Variants in ELOVL6 observed in about 807,000 individuals in gnomAD.
The protein encoded by ELOVL6 is ELOVL fatty acid elongase 6.
ELOVL6 carries 8 observed loss-of-function variants against 31.7 expected under a neutral mutation model. The ratio of observed to expected loss-of-function variants is 0.25; its 90% CI spans 0.15 to 0.45. The LOEUF is 0.45. Ranked by LOEUF, ELOVL6 falls within the 20% of genes least tolerant of loss-of-function variation. The pLI is 1.00. For missense variants in ELOVL6, 126 were observed against 326.4 expected, an observed-to-expected ratio of 0.39 and a Z score of 4.73; for synonymous variants, 101 against 117.7, an observed-to-expected ratio of 0.86 and a Z score of 0.92.
intron 2 of ELOVL6, among the ~76,000 whole-genome samples, chr4:110,091,666 G>A (rs1042126202): frequency 6.6e-6 from 1 of 151,996 alleles, no homozygotes; most frequent in Non-Finnish European, 1.5e-5. Flanking sequence ...TCCAGTTCCG[G>A]GTTAACACAA....
chr4:110,082,707 C>T (rs1755903766), intron 2 of ELOVL6, among the ~76,000 whole-genome samples: 1 of 152,060 alleles, frequency 6.6e-6, no homozygotes, highest in Admixed American at 6.5e-5. Flanking sequence ...AACAAACCTG[C>T]ACATTGTGCA....
intron 1 of ELOVL6, among the ~76,000 whole-genome samples, chr4:110,173,700 TAATA>T (rs1415204047): frequency 8.9e-6 from 1 of 112,948 alleles, no homozygotes; most frequent in Non-Finnish European, 1.9e-5. Context: ...ATAATAATAA[TAATA>T]AATTCCTCGA....
chr4:110,135,149 C>T (rs1225701237), intron 1 of ELOVL6, among the ~76,000 whole-genome samples: 1 of 152,122 alleles, frequency 6.6e-6, no homozygotes, highest in East Asian at 1.9e-4. Context: ...TTAAGGCTAA[C>T]AAGGAAGTCA....
chr4:110,186,361 C>G (rs1289660435), intron 1 of ELOVL6, among the ~76,000 whole-genome samples: 4 of 152,114 alleles, frequency 2.6e-5, no homozygotes, highest in Admixed American at 1.3e-4. Flanking sequence ...CTACCCATCT[C>G]TCTCCTACCG....
intron 1 of ELOVL6, among the ~76,000 whole-genome samples, chr4:110,114,669 C>A (rs939079926): frequency 1.3e-5 from 2 of 152,156 alleles, no homozygotes; most frequent in Non-Finnish European, 2.9e-5. Context: ...AATATAAAAA[C>A]CTGTTTCCTG....
At chr4:110,133,086 T>C (rs1384425075) in intron 1 of ELOVL6, among the ~76,000 whole-genome samples, 1 of 151,918 alleles carries the variant, frequency 6.6e-6, no homozygotes, top group Non-Finnish European at 1.5e-5. Context: ...GGGAGCATCA[T>C]CACTTACAGA....
intron 2 of ELOVL6, among the ~76,000 whole-genome samples, chr4:110,105,207 C>T (rs1560824877): frequency 6.6e-6 from 1 of 152,130 alleles, no homozygotes; most frequent in Non-Finnish European, 1.5e-5. Context: ...TAGCCAATAA[C>T]AATAATGAAT....
At chr4:110,175,514 T>C in intron 1 of ELOVL6, among the ~76,000 whole-genome samples, 1 of 152,166 alleles carries the variant, frequency 6.6e-6, no homozygotes, top group African/African-American at 2.4e-5. Context: ...CATATGTAAG[T>C]AACATCAATG....
chr4:110,073,262 A>G (rs1370014601), intron 2 of ELOVL6, among the ~76,000 whole-genome samples: 2 of 152,158 alleles, frequency 1.3e-5, no homozygotes, highest in Non-Finnish European at 2.9e-5. Flanking sequence ...CTGGCTTGGC[A>G]TTCTACCAGT....
intron 2 of ELOVL6, among the ~76,000 whole-genome samples, chr4:110,097,236 TG>T (rs1250487632): frequency 2.9e-5 from 4 of 138,006 alleles, no homozygotes; most frequent in Non-Finnish European, 6.1e-5. Flanking sequence ...ATCAGGGAGG[TG>T]GAGGTTGCAG....
At chr4:110,052,098 A>G (rs905870538) in intron 3 of ELOVL6, among the ~76,000 whole-genome samples, 1 of 152,236 alleles carries the variant, frequency 6.6e-6, no homozygotes, top group Non-Finnish European at 1.5e-5. Flanking sequence ...CTTATCCATC[A>G]TTGATCTGGA....
Position 110,051,260 on chromosome 4 carries a change from T to A in ELOVL6, c.*78A>T, listed in dbSNP as rs1560797025. 6.9e-7 allele frequency: 1 copy of A among 1,450,316 alleles called. No individual in the cohort carries two copies. Among genetic ancestry groups the A allele is most frequent in the Non-Finnish European group, 9.4e-7 (1 of 1,059,268 alleles). 89.8% of individuals were successfully genotyped at this position (1,450,316 alleles called of 1,614,324 possible). On this transcript the variant is annotated 3_prime_UTR_variant, in exon 4 of 4. Transcript: ENST00000302274. This position sits in a 1 kb window ranked among gnomAD's most constrained non-coding sequence, Gnocchi z 4.8. ...TGTTTTGTTTTAGCTGCACCACGTG[T>A]GATTCCTTGTGCCATTTTCTTTTGT...
intron 1 of ELOVL6, among the ~76,000 whole-genome samples, chr4:110,163,847 G>A (rs974307375): frequency 6.6e-6 from 1 of 152,232 alleles, no homozygotes; most frequent in Non-Finnish European, 1.5e-5. Context: ...AGAACTAACT[G>A]TAAGATCGAA....
intron 2 of ELOVL6, among the ~76,000 whole-genome samples, chr4:110,088,209 C>T (rs1178739443): frequency 1.3e-5 from 2 of 152,086 alleles, no homozygotes; most frequent in African/African-American, 4.8e-5. Context: ...AAGCACAGAG[C>T]GCTAATTAGA....
chr4:110,084,243 G>T (rs1258228525), intron 2 of ELOVL6, among the ~76,000 whole-genome samples: 2 of 98,918 alleles, frequency 2.0e-5, no homozygotes, highest in African/African-American at 5.0e-5. Flanking sequence ...TAACATATAT[G>T]ATATATATAA....
intron 2 of ELOVL6, among the ~76,000 whole-genome samples, chr4:110,062,275 G>A (rs956526820): frequency 7.2e-5 from 11 of 152,162 alleles, no homozygotes; most frequent in Non-Finnish European, 1.5e-5. Context: ...CCCATATCTG[G>A]ACATGTGCCT....
At chr4:110,158,659 T>TATATATATATATATATATATATA (rs1560849884) in intron 1 of ELOVL6, among the ~76,000 whole-genome samples, 5 of 44,696 alleles carry the variant, frequency 1.1e-4, no homozygotes, top group South Asian at 6.6e-4. Flanking sequence ...ATATATATAT[T>TATATATATATATATATATATATA]TTTTTTTTTT....
intron 1 of ELOVL6, among the ~76,000 whole-genome samples, chr4:110,153,105 C>A (rs1758325307): frequency 6.6e-6 from 1 of 152,110 alleles, no homozygotes; most frequent in Non-Finnish European, 1.5e-5. Context: ...GCAGCACAAC[C>A]TGTGTCAGCT....
chr4:110,105,759 G>T, intron 1 of ELOVL6, 131 bp from the exon 2 acceptor site: 1 of 809,598 alleles, frequency 1.2e-6, no homozygotes, highest in Non-Finnish European at 1.9e-6. Flanking sequence ...TGAAGAGGGA[G>T]TCTAGTCTAC....
Sources: gnomAD v4.1 joint callset for allele counts (sites outside exome capture counted in the v4.1 genomes callset) on GRCh38, gnomAD v4.1.1 for gene constraint, Gnocchi (gnomAD v3.1) non-coding constraint, MANE v1.5 for transcripts, NCBI Gene and HGNC (gene_info 2026-07-23, HGNC 2026-07-21) for gene names.